ITFG1: variants seen among roughly 807,000 people sequenced by gnomAD.
The protein encoded by ITFG1 is integrin alpha FG-GAP repeat containing 1, also known as T-cell immunomodulatory protein.
Under a neutral mutation model 81.8 loss-of-function variants are expected in ITFG1, and 34 were observed. That is an observed-to-expected ratio of 0.42 (90% CI 0.32 to 0.55). The LOEUF (loss-of-function observed/expected upper bound fraction) is 0.55, where lower values mean the gene tolerates loss of function less well. Ranked by LOEUF, ITFG1 falls within the 20% of genes least tolerant of loss-of-function variation. ITFG1 has a pLI of 0.17. For synonymous variants in ITFG1, 285 were observed against 270.6 expected (o/e 1.05, Z -0.52); for missense variants, 672 against 755.4 (o/e 0.89, Z 1.29).
chr16:47,170,229 TG>T (rs764630869), intron 14 of ITFG1, among the ~76,000 whole-genome samples: 2 of 152,212 alleles, frequency 1.3e-5, no homozygotes, highest in Admixed American at 6.5e-5. Flanking sequence ...TTCTAGTTTT[TG>T]TAAGAGTTTC....
chr16:47,225,216 A>G (rs1385462238), intron 13 of ITFG1, among the ~76,000 whole-genome samples: 2 of 152,250 alleles, frequency 1.3e-5, no homozygotes, highest in East Asian at 1.9e-4. Flanking sequence ...AAAATTGAAG[A>G]TATGTCAATT....
chr16:47,256,347 T>C (rs891174109), intron 12 of ITFG1, among the ~76,000 whole-genome samples: 1 of 152,192 alleles, frequency 6.6e-6, no homozygotes, highest in Non-Finnish European at 1.5e-5. Context: ...GATTTAGTAG[T>C]TTATCCCTAA....
At chr16:47,170,620 G>C (rs1041703233) in intron 14 of ITFG1, among the ~76,000 whole-genome samples, 1 of 151,704 alleles carries the variant, frequency 6.6e-6, no homozygotes, top group African/African-American at 2.4e-5. Context: ...AGTAGAGACA[G>C]GGTTTCACCA....
intron 10 of ITFG1, among the ~76,000 whole-genome samples, chr16:47,265,090 C>T (rs147651346): frequency 4.1e-4 from 62 of 151,664 alleles, no homozygotes; most frequent in African/African-American, 1.5e-3. Context: ...GCACAGTACA[C>T]ATTTAATAAC....
intron 10 of ITFG1, among the ~76,000 whole-genome samples, chr16:47,285,601 A>C (rs1966866775): frequency 6.6e-6 from 1 of 152,116 alleles, no homozygotes; most frequent in South Asian, 2.1e-4. Context: ...CACTATCTCC[A>C]GGAGTGTTGG....
chr16:47,428,517 TA>T (rs112235911), intron 6 of ITFG1, among the ~76,000 whole-genome samples: 5 of 149,944 alleles, frequency 3.3e-5, no homozygotes, highest in Middle Eastern at 3.2e-3. Context: ...ATAAAAAAGG[TA>T]AAAAAAACAG....
intron 6 of ITFG1, among the ~76,000 whole-genome samples, chr16:47,379,958 T>C (rs565852284): frequency 1.5e-4 from 22 of 150,952 alleles, no homozygotes; most frequent in South Asian, 6.3e-4. Context: ...CTAAGCTCAA[T>C]TGAGGCAGTA....
At chr16:47,229,282 T>C (rs1965790291) in intron 13 of ITFG1, among the ~76,000 whole-genome samples, 1 of 152,056 alleles carries the variant, frequency 6.6e-6, no homozygotes, top group Non-Finnish European at 1.5e-5. Flanking sequence ...AAATATTGTC[T>C]GAGTGCCAAC....
At chr16:47,270,017 G>C (rs1207912444) in intron 10 of ITFG1, among the ~76,000 whole-genome samples, 1 of 152,078 alleles carries the variant, frequency 6.6e-6, no homozygotes, top group East Asian at 1.9e-4. Flanking sequence ...AGGCAATTGA[G>C]TGGAAAAAGA....
chr16:47,346,421 C>CAGT (rs773722673), intron 8 of ITFG1, among the ~76,000 whole-genome samples: 12 of 152,056 alleles, frequency 7.9e-5, no homozygotes, highest in Non-Finnish European at 1.0e-4. Flanking sequence ...ACAGCAGAAG[C>CAGT]AGTAGTCAGA....
At chr16:47,460,718 A>T in intron 1 of ITFG1, 120 bp downstream of exon 1, 1 of 1,096,912 alleles carries the variant, frequency 9.1e-7, no homozygotes, top group Non-Finnish European at 1.3e-6. Flanking sequence ...AGGGAAGGCC[A>T]CAGGGCTGGG....
intron 12 of ITFG1, among the ~76,000 whole-genome samples, chr16:47,239,891 A>G (rs141262106): frequency 7.9e-5 from 12 of 152,294 alleles, no homozygotes; most frequent in African/African-American, 9.6e-5. Flanking sequence ...TGATGCACAC[A>G]TATGTCTTTG....
At chr16:47,348,185 C>A (rs369812986) in intron 8 of ITFG1, among the ~76,000 whole-genome samples, 5 of 152,212 alleles carry the variant, frequency 3.3e-5, no homozygotes, top group African/African-American at 9.6e-5. Flanking sequence ...CAACTCCTCA[C>A]CAGCAACGGA....
intron 8 of ITFG1, among the ~76,000 whole-genome samples, chr16:47,362,660 C>T (rs939560771): frequency 6.6e-6 from 1 of 152,170 alleles, no homozygotes; most frequent in Admixed American, 6.5e-5. Flanking sequence ...AAGTCCAGTA[C>T]AAAATCTCAC....
intron 8 of ITFG1, among the ~76,000 whole-genome samples, chr16:47,329,463 G>T (rs1215286860): frequency 6.6e-6 from 1 of 152,106 alleles, no homozygotes; most frequent in Non-Finnish European, 1.5e-5. Context: ...AAGGACTTGA[G>T]GTCAAATCTC....
intron 14 of ITFG1, among the ~76,000 whole-genome samples, chr16:47,186,142 C>T (rs1356609877): frequency 6.6e-6 from 1 of 151,924 alleles, no homozygotes; most frequent in Non-Finnish European, 1.5e-5. Context: ...AAAAAGAGTC[C>T]AGGACCAGAT....
At chr16:47,349,874 T>C (rs970630236) in intron 8 of ITFG1, among the ~76,000 whole-genome samples, 1 of 152,210 alleles carries the variant, frequency 6.6e-6, no homozygotes, top group Non-Finnish European at 1.5e-5. Context: ...CAGACCACAG[T>C]GCAATCAAAC....
intron 7 of ITFG1, among the ~76,000 whole-genome samples, chr16:47,368,155 A>G (rs1167983214): frequency 6.6e-6 from 1 of 151,460 alleles, no homozygotes; most frequent in African/African-American, 2.4e-5. Context: ...AATGGTGTGA[A>G]CCCAGGAGGC....
At position 47,454,135 on chromosome 16, in the gene ITFG1, C is replaced by A; in HGVS notation, c.305G>T (p.Ser102Ile). The part of the protein sequence containing the change: ...SFKNHSALIT[S>I]VVPGDYDGDS... The stretch of plus-strand genomic sequence containing the variant: ...TCCATCATAATCCCCAGGGACTACA[C>A]TTGTTATCAATGCACTGTGATTCCT... The change falls in exon 3 of 18, where the codon AGT (serine) becomes ATT (isoleucine). Residue 102 changes from serine (S) to isoleucine (I), a missense_variant. By Grantham distance (142) the Ser-to-Ile change is moderately radical. Coordinates refer to ENST00000320640, the MANE Select transcript of ITFG1 (RefSeq NM_030790.5). The A allele has an allele frequency of 6.2e-7, 1 of 1,606,806 alleles. No individual in the cohort carries two copies. Among genetic ancestry groups the A allele is most frequent in the East Asian group, 2.2e-5 (1 of 44,736 alleles).
Sources: gnomAD v4.1 joint callset for allele counts (sites outside exome capture counted in the v4.1 genomes callset) on GRCh38, gnomAD v4.1.1 for gene constraint, MANE v1.5 for transcripts, NCBI Gene and HGNC (gene_info 2026-07-23, HGNC 2026-07-21) for gene names.